Variants in TMLHE observed in about 807,000 individuals in gnomAD.
TMLHE encodes trimethyllysine dioxygenase, mitochondrial.
TMLHE carries 18 observed loss-of-function variants against 25.7 expected under a neutral mutation model. That is an observed-to-expected ratio of 0.70 (90% CI 0.48 to 1.04). The LOEUF (loss-of-function observed/expected upper bound fraction) is 1.04, where lower values mean the gene tolerates loss of function less well. TMLHE is among the 50% of genes least tolerant of loss of function. The pLI is 0.00. For missense variants in TMLHE, 236 were observed against 259.0 expected (o/e 0.91, Z 0.61); for synonymous variants, 105 against 97.0 (o/e 1.08, Z -0.49).
chrX:155,512,523 A>G (rs1481395677), intron 4 of TMLHE, among the ~76,000 whole-genome samples: 3 of 110,749 alleles, frequency 2.7e-5, no homozygotes, highest in Admixed American at 9.6e-5. Context: ...GCTGCATAGT[A>G]TTCCATGGTG....
intron 1 of TMLHE, among the ~76,000 whole-genome samples, chrX:155,594,110 A>T (rs1235050174): frequency 8.9e-6 from 1 of 111,960 alleles, no homozygotes; most frequent in Non-Finnish European, 1.9e-5. Context: ...ATCAAATTAA[A>T]CCCAAAGAGG....
intron 2 of TMLHE, among the ~76,000 whole-genome samples, chrX:155,530,443 A>G (rs1465191811): frequency 8.9e-6 from 1 of 112,410 alleles, no homozygotes; most frequent in African/African-American, 3.2e-5. Flanking sequence ...TAAGGACACA[A>G]AGTAGCAGAT....
At chrX:155,536,633 C>T (rs116197136) in intron 2 of TMLHE, among the ~76,000 whole-genome samples, 3,227 of 111,663 alleles carry the variant, frequency 0.029, 107 homozygotes, top group African/African-American at 0.096. Flanking sequence ...AAAGGACTTT[C>T]TGATTAAATG....
At chrX:155,511,430 T>TA (rs2067111868) in intron 5 of TMLHE, among the ~76,000 whole-genome samples, 1 of 109,493 alleles carries the variant, frequency 9.1e-6, no homozygotes, top group Non-Finnish European at 1.9e-5. Flanking sequence ...ATCTCTCTTT[T>TA]TTTTTTTTAT....
At chrX:155,551,157 G>T (rs1021301221) in intron 1 of TMLHE, among the ~76,000 whole-genome samples, 11 of 110,301 alleles carry the variant, frequency 1.0e-4, no homozygotes, top group African/African-American at 3.7e-4. Flanking sequence ...CACTATATCA[G>T]CTTGTCTACA....
rs1227207578 is a variant in TMLHE, at chrX:155,566,203, T to C, written c.-1-20926A>G. Reference sequence around the variant, plus strand: ...TTAGTGATTATACTCCTGGATTCTGTTATCTGGCCAGTTAGCATTCTTAAT... The same window carrying C: ...TTAGTGATTATACTCCTGGATTCTGCTATCTGGCCAGTTAGCATTCTTAAT... On this transcript the variant is annotated intron_variant, in intron 1 of 7. Coordinates refer to ENST00000334398, the MANE Select transcript of TMLHE (RefSeq NM_018196.4). Among the ~76,000 whole-genome samples, 5 of 61,757 alleles carry C rather than the reference T, an allele frequency of 8.1e-5. 1 individual carries two copies. The highest frequency in any genetic ancestry group is 2.3e-4 in the Non-Finnish European group (5 of 22,008). The allele number at this position is 61,757 out of a possible 115,157, so 53.6% of individuals were successfully genotyped here.
chrX:155,570,977 A>C (rs782770493), intron 1 of TMLHE, among the ~76,000 whole-genome samples: 1 of 57,083 alleles, frequency 1.8e-5, no homozygotes, highest in African/African-American at 4.2e-5. Flanking sequence ...AGAAATAACT[A>C]AAATCAGAGC....
Position 155,549,928 on chromosome X carries a change from T to C in TMLHE, c.-1-4651A>G, listed in dbSNP as rs782556082. On this transcript the variant is annotated intron_variant, in intron 1 of 7. Transcript: ENST00000334398. ...TGTGCTCTTCCCCTCCCTGTGCCCA[T>C]ATGTTCTCATTGTTCAACTCCCACT... 3.4e-3 allele frequency among the ~76,000 whole-genome samples: 367 copies of C among 109,274 alleles called. 3 individuals carry two copies. Among genetic ancestry groups the C allele is most frequent in the Non-Finnish European group, 5.4e-3 (282 of 52,643 alleles). The allele number at this position is 109,274 out of a possible 115,157, so 94.9% of individuals were successfully genotyped here. A position where few individuals can be genotyped will look rare whatever the true frequency, so the allele number is the denominator to read the frequency against.
intron 1 of TMLHE, among the ~76,000 whole-genome samples, chrX:155,547,443 A>G (rs1557338962): frequency 8.9e-6 from 1 of 112,132 alleles, no homozygotes; most frequent in African/African-American, 3.2e-5. Context: ...ACGACCAGCT[A>G]TAATAGGTAC....
intron 1 of TMLHE, among the ~76,000 whole-genome samples, chrX:155,565,271 T>C (rs1256257085): frequency 1.6e-5 from 1 of 61,846 alleles, no homozygotes; most frequent in African/African-American, 3.6e-5. Flanking sequence ...AGGCAGGGCA[T>C]AGCCAATTAC....
chrX:155,601,384 A>G (rs2067755484), intron 1 of TMLHE, among the ~76,000 whole-genome samples: 1 of 112,356 alleles, frequency 8.9e-6, no homozygotes, highest in Non-Finnish European at 1.9e-5. Flanking sequence ...TTGGGCTTAT[A>G]ACATATTAAG....
intron 1 of TMLHE, among the ~76,000 whole-genome samples, chrX:155,588,423 T>G (rs782024145): frequency 9.0e-6 from 1 of 111,338 alleles, no homozygotes; most frequent in South Asian, 3.8e-4. Context: ...AAAACATTGG[T>G]CTAGGTAAAG....
chrX:155,506,747 A>T (rs1465864385), intron 6 of TMLHE, 151 bp downstream of exon 6: 6 of 486,121 alleles, frequency 1.2e-5, no homozygotes, highest in Non-Finnish European at 2.1e-5. Flanking sequence ...CATGGGAATT[A>T]TAAGAAGAAT....
intron 1 of TMLHE, among the ~76,000 whole-genome samples, chrX:155,550,620 T>C (rs1175324414): frequency 9.0e-6 from 1 of 110,954 alleles, no homozygotes; most frequent in Non-Finnish European, 1.9e-5. Flanking sequence ...ATCTCATAGC[T>C]GATTTACATG....
chrX:155,584,721 C>T (rs2067653543), intron 1 of TMLHE, among the ~76,000 whole-genome samples: 1 of 109,307 alleles, frequency 9.1e-6, no homozygotes, highest in South Asian at 3.9e-4. Flanking sequence ...TATTCAATGT[C>T]CTGAAAGAAA....
At chrX:155,604,155 G>A (rs782746594) in intron 1 of TMLHE, among the ~76,000 whole-genome samples, 30 of 107,208 alleles carry the variant, frequency 2.8e-4, no homozygotes, top group Admixed American at 1.7e-3. Flanking sequence ...GCCCTACCTC[G>A]TGGCTGAACA....
At chrX:155,554,121 G>T (rs2067433182) in intron 1 of TMLHE, among the ~76,000 whole-genome samples, 1 of 109,696 alleles carries the variant, frequency 9.1e-6, no homozygotes, top group African/African-American at 3.3e-5. Flanking sequence ...CCTCACCTCA[G>T]CCTCTTGAGT....
chrX:155,548,531 T>TCAA (rs1569562089), intron 1 of TMLHE, among the ~76,000 whole-genome samples: 6 of 107,811 alleles, frequency 5.6e-5, no homozygotes, highest in African/African-American at 1.1e-4. Flanking sequence ...GTCAGCAGTA[T>TCAA]GAGGCCAGCC....
chrX:155,600,085 A>C (rs1490579571), intron 1 of TMLHE, among the ~76,000 whole-genome samples: 1 of 111,932 alleles, frequency 8.9e-6, no homozygotes, highest in Non-Finnish European at 1.9e-5. Flanking sequence ...TTTTTGCATG[A>C]ATTTACTATA....
Sources: allele counts gnomAD v4.1 joint callset (sites outside exome capture counted in the v4.1 genomes callset), GRCh38; gene constraint gnomAD v4.1.1; transcripts MANE v1.5; gene names NCBI Gene and HGNC (gene_info 2026-07-23, HGNC 2026-07-21).